The following DIPK1A variants were observed in gnomAD, a reference collection of about 807,000 sequenced individuals.
The protein encoded by DIPK1A is family with sequence similarity 69 member A.
Under a neutral mutation model 40.8 loss-of-function variants are expected in DIPK1A, and 27 were observed. The observed-to-expected ratio is 0.66, with a 90% CI of 0.49 to 0.91. The LOEUF is 0.91. Among genes scored for constraint, DIPK1A ranks in the 40% least tolerant of loss-of-function variants. The pLI is 0.00. For synonymous variants in DIPK1A, 166 were observed against 171.3 expected (o/e 0.97, Z 0.24); for missense variants, 412 against 505.7 (o/e 0.81, Z 1.78).
chr1:92,930,693 T>C (rs2100871116), intron 1 of DIPK1A: 1 of 152,362 alleles, frequency 6.6e-6, no homozygotes, highest in South Asian at 2.1e-4. Flanking sequence ...GTTCATGCCA[T>C]GCTGTTTCTT....
At chr1:92,931,328 G>T (rs1040451878) in intron 1 of DIPK1A, 20 of 223,596 alleles carry the variant, frequency 8.9e-5, no homozygotes, top group African/African-American at 4.2e-4. Context: ...ATCATTGGAA[G>T]GCCTGGTGCC....
At chr1:92,955,755 G>T (rs1028684586) in intron 1 of DIPK1A, among the ~76,000 whole-genome samples, 1 of 150,686 alleles carries the variant, frequency 6.6e-6, no homozygotes, top group African/African-American at 2.4e-5. Flanking sequence ...GAAAATAGGG[G>T]AGGGGCCAGG....
At chr1:92,883,688 G>C (rs1347370500) in intron 1 of DIPK1A, among the ~76,000 whole-genome samples, 1 of 152,192 alleles carries the variant, frequency 6.6e-6, no homozygotes, top group Non-Finnish European at 1.5e-5. Context: ...CTTCTTACAT[G>C]ATGGCTGACT....
chr1:92,858,440 C>T (rs1175734371), intron 2 of DIPK1A, among the ~76,000 whole-genome samples: 1 of 152,204 alleles, frequency 6.6e-6, no homozygotes, highest in African/African-American at 2.4e-5. Context: ...CAAACCTCCC[C>T]TCCTCTCTAG....
chr1:92,887,754 A>C (rs930061547), intron 1 of DIPK1A, among the ~76,000 whole-genome samples: 16 of 152,316 alleles, frequency 1.1e-4, no homozygotes, highest in African/African-American at 3.6e-4. Flanking sequence ...CAAGAATTCT[A>C]TAAGTAGGGG....
intron 4 of DIPK1A, among the ~76,000 whole-genome samples, chr1:92,846,913 A>G (rs1273588945): frequency 7.5e-5 from 5 of 66,436 alleles, no homozygotes; most frequent in South Asian, 7.6e-4. Context: ...ATATACGTGT[A>G]TATATATATA....
At position 92,843,402 on chromosome 1, in the gene DIPK1A, G is replaced by T. The variant is rs1196362758; in HGVS notation, c.1268C>A (p.Ser423Tyr). Reference protein sequence around the residue: ...NLKTLLWKKISYTNDS With the variant: ...NLKTLLWKKIYYTNDS ...AATGAACTAAGAGTCATTAGTGTAGGAAATTTTCTTCCACAATAATGTTTT... is the reference window on the plus strand; with the variant it reads ...AATGAACTAAGAGTCATTAGTGTAGTAAATTTTCTTCCACAATAATGTTTT... Residue 423 changes from serine to tyrosine, a missense_variant, in exon 5 of 5, where the codon TCC becomes TAC. By Grantham distance (144) the Ser-to-Tyr change is moderately radical (BLOSUM62 -2). Coordinates refer to ENST00000370310, the MANE Select transcript of DIPK1A (RefSeq NM_001006605.5). 1 of 1,543,066 alleles carries T rather than the reference G, an allele frequency of 6.5e-7. No individual in the cohort carries two copies. Among genetic ancestry groups the T allele is most frequent in the East Asian group, 2.4e-5 (1 of 40,840 alleles).
intron 3 of DIPK1A, among the ~76,000 whole-genome samples, chr1:92,848,837 C>T (rs547994965): frequency 6.6e-6 from 1 of 152,084 alleles, no homozygotes; most frequent in Non-Finnish European, 1.5e-5. Context: ...ATACTGTCAA[C>T]TGAAAAATTA....
At chr1:92,893,720 G>C (rs1347402612) in intron 1 of DIPK1A, among the ~76,000 whole-genome samples, 1 of 138,244 alleles carries the variant, frequency 7.2e-6, no homozygotes, top group Non-Finnish European at 1.6e-5. Context: ...ATTGGATAAA[G>C]AGTCAAGACC....
intron 1 of DIPK1A, among the ~76,000 whole-genome samples, chr1:92,940,071 A>C (rs1433315906): frequency 6.6e-6 from 1 of 152,256 alleles, no homozygotes; most frequent in Non-Finnish European, 1.5e-5. Context: ...CCCCCATTTA[A>C]GAAGACTGGG....
chr1:92,910,130 C>T (rs889685914), intron 1 of DIPK1A, among the ~76,000 whole-genome samples: 1 of 152,152 alleles, frequency 6.6e-6, no homozygotes, highest in African/African-American at 2.4e-5. Context: ...TTCTTCAACA[C>T]GTGGGTGTTT....
intron 4 of DIPK1A, chr1:92,835,290 C>T (rs1687073861): frequency 2.9e-6 from 1 of 341,784 alleles, no homozygotes; most frequent in African/African-American, 2.1e-5. Flanking sequence ...CTCGTGGGAA[C>T]TCCACTCTAG....
At chr1:92,916,768 T>A (rs1650071560) in intron 1 of DIPK1A, among the ~76,000 whole-genome samples, 1 of 152,236 alleles carries the variant, frequency 6.6e-6, no homozygotes, top group Non-Finnish European at 1.5e-5. Context: ...GTTTCCTTAT[T>A]TCCTACAATG....
In DIPK1A at chr1:92,912,030, AAG is replaced by A. The variant is rs1442328411; in HGVS notation, c.55-35602_55-35601del. ...AAAAAAAAAAAAAAAAAAAAAAAAA[AAG>A]GGTACGTTTAGTTTTTAAAGAAACT... On this transcript the variant is annotated intron_variant, in intron 1 of 4. Coordinates refer to ENST00000370310, the MANE Select transcript of DIPK1A (RefSeq NM_001006605.5). 3.3e-4 allele frequency among the ~76,000 whole-genome samples: 48 copies of A among 144,630 alleles called. 1 individual carries two copies. The highest frequency in any genetic ancestry group is 1.2e-3 in the African/African-American group (42 of 36,230). The allele number at this position is 144,630 out of a possible 152,430, so 94.9% of individuals were successfully genotyped here. A position where few individuals can be genotyped will look rare whatever the true frequency, so the allele number is the denominator to read the frequency against.
At chr1:92,891,195 T>G (rs897093582) in intron 1 of DIPK1A, among the ~76,000 whole-genome samples, 1 of 152,134 alleles carries the variant, frequency 6.6e-6, no homozygotes, top group African/African-American at 2.4e-5. Flanking sequence ...TTTTATTTAT[T>G]TAGGTATTTT....
intron 1 of DIPK1A, among the ~76,000 whole-genome samples, chr1:92,952,437 T>C (rs1651670098): frequency 6.6e-6 from 1 of 152,048 alleles, no homozygotes; most frequent in Admixed American, 6.5e-5. Flanking sequence ...CTGGGCAACA[T>C]GGTGAAACCT....
At chr1:92,884,104 G>T (rs534269850) in intron 1 of DIPK1A, among the ~76,000 whole-genome samples, 1 of 152,224 alleles carries the variant, frequency 6.6e-6, no homozygotes, top group South Asian at 2.1e-4. Context: ...ATAACTATCA[G>T]CAAATCTTTT....
intron 1 of DIPK1A, among the ~76,000 whole-genome samples, chr1:92,956,607 C>T (rs533653815): frequency 6.6e-6 from 1 of 152,252 alleles, no homozygotes; most frequent in African/African-American, 2.4e-5. Flanking sequence ...CAGTATTTGG[C>T]AACATTACTA....
Position 92,842,782 on chromosome 1 carries a change from A to G in DIPK1A, c.*601T>C. On this transcript the variant is annotated 3_prime_UTR_variant, in exon 5 of 5. Coordinates refer to ENST00000370310, the MANE Select transcript of DIPK1A (RefSeq NM_001006605.5). ...TAAAATTGGTGTACTGTCAAGTATA[A>G]GATTTCTTGAAGTAAGCCACTTGAA... 1.0e-6 allele frequency: 1 copy of G among 985,416 alleles called. No homozygotes were observed. The highest frequency in any genetic ancestry group is 1.2e-6 in the Non-Finnish European group (1 of 829,892). 61.0% of individuals were successfully genotyped at this position (985,416 alleles called of 1,614,324 possible).
Sources: gnomAD v4.1 joint callset for allele counts (sites outside exome capture counted in the v4.1 genomes callset) on GRCh38, gnomAD v4.1.1 for gene constraint, MANE v1.5 for transcripts, NCBI Gene and HGNC (gene_info 2026-07-23, HGNC 2026-07-21) for gene names.